Variants in NRG3 observed in about 807,000 individuals in gnomAD.
NRG3 encodes neuregulin 3.
Under a neutral mutation model 66.9 loss-of-function variants are expected in NRG3, and 31 were observed. The ratio of observed to expected loss-of-function variants is 0.46; its 90% confidence interval spans 0.35 to 0.63. NRG3 has a LOEUF of 0.63. Ranked by LOEUF, NRG3 falls within the 20% of genes least tolerant of loss-of-function variation. The pLI is 0.00. For missense variants in NRG3, 910 were observed against 878.9 expected (o/e 1.04, Z -0.45); for synonymous variants, 393 against 359.4 (o/e 1.09, Z -1.06).
chr10:82,523,439 A>G (rs906526398), intron 2 of NRG3, among the ~76,000 whole-genome samples: 5 of 151,806 alleles, frequency 3.3e-5, no homozygotes, highest in Non-Finnish European at 7.4e-5. Flanking sequence ...TTCTTTTTTG[A>G]TTATGGTTTT....
In NRG3 at chr10:82,349,292, C is replaced by T. The variant is rs1306426514; in HGVS notation, c.824-9447C>T. Among the ~76,000 whole-genome samples, 4 of 152,084 alleles carry T rather than the reference C, an allele frequency of 2.6e-5. 1 individual carries two copies. Among genetic ancestry groups the T allele is most frequent in the East Asian group, 3.9e-4 (2 of 5,138 alleles). ...TAGTTTTCCTTCTAACAGACGGGAC[C>T]CTCAGCTGCAGGTCTGTTGGAATAC... On this transcript the variant is annotated intron_variant, in intron 1 of 8. Transcript: ENST00000372141.
intron 1 of NRG3, among the ~76,000 whole-genome samples, chr10:82,053,008 A>G (rs554981795): frequency 1.3e-5 from 2 of 151,544 alleles, no homozygotes; most frequent in African/African-American, 4.8e-5. Context: ...AATAAAATTT[A>G]TTAATTCATT....
chr10:82,691,273 G>A (rs949275825), intron 2 of NRG3, among the ~76,000 whole-genome samples: 2 of 152,224 alleles, frequency 1.3e-5, no homozygotes, highest in Admixed American at 6.5e-5. Context: ...TGAAGGGCTA[G>A]CAGTTCCAGT....
chr10:82,040,275 T>C (rs2132998177), intron 1 of NRG3, among the ~76,000 whole-genome samples: 2 of 152,178 alleles, frequency 1.3e-5, no homozygotes, highest in South Asian at 4.1e-4. Context: ...TTTTCAAACA[T>C]ATATATACAT....
At chr10:82,039,927 A>G (rs532661027) in intron 1 of NRG3, among the ~76,000 whole-genome samples, 9 of 152,254 alleles carry the variant, frequency 5.9e-5, no homozygotes, top group African/African-American at 1.9e-4. Flanking sequence ...TACTTCTGCC[A>G]TGAATTGTGT....
chr10:81,982,848 T>C (rs2060383599), intron 1 of NRG3, among the ~76,000 whole-genome samples: 1 of 152,204 alleles, frequency 6.6e-6, no homozygotes, highest in South Asian at 2.1e-4. Flanking sequence ...TTTCAACATA[T>C]GATTTTGGAA....
intron 2 of NRG3, among the ~76,000 whole-genome samples, chr10:82,729,952 C>G (rs1427682833): frequency 6.6e-6 from 1 of 152,100 alleles, no homozygotes; most frequent in South Asian, 2.1e-4. Flanking sequence ...CAGCACAACA[C>G]CTGGATTTGG....
At chr10:82,166,633 T>G in intron 1 of NRG3, 1 of 340,114 alleles carries the variant, frequency 2.9e-6, no homozygotes, top group African/African-American at 2.1e-5. Flanking sequence ...AATAATTATG[T>G]CTATATATAC....
At chr10:82,912,439 G>A (rs963354887) in intron 4 of NRG3, among the ~76,000 whole-genome samples, 5 of 151,914 alleles carry the variant, frequency 3.3e-5, no homozygotes, top group Non-Finnish European at 5.9e-5. Flanking sequence ...TTGCACTGAC[G>A]TCTTCTGTCT....
intron 1 of NRG3, among the ~76,000 whole-genome samples, chr10:82,267,968 T>C (rs1351591320): frequency 3.3e-5 from 5 of 152,192 alleles, no homozygotes; most frequent in Non-Finnish European, 5.9e-5. Context: ...GGGTAAAAAG[T>C]GTGCTACTTA....
chr10:82,233,322 G>A (rs1040135585), intron 1 of NRG3, among the ~76,000 whole-genome samples: 27 of 152,124 alleles, frequency 1.8e-4, no homozygotes, highest in Admixed American at 1.3e-4. Context: ...CCAAGATGGC[G>A]CCACTGCACT....
chr10:82,611,791 G>A (rs937041311), intron 2 of NRG3, among the ~76,000 whole-genome samples: 4 of 152,092 alleles, frequency 2.6e-5, no homozygotes, highest in Non-Finnish European at 5.9e-5. Flanking sequence ...CCCAGTAATA[G>A]GATCACTGGG....
intron 2 of NRG3, among the ~76,000 whole-genome samples, chr10:82,623,649 A>G (rs1397776723): frequency 6.6e-6 from 1 of 152,236 alleles, no homozygotes; most frequent in African/African-American, 2.4e-5. Context: ...CTTGCAAGGC[A>G]GGAAGCAAAG....
At chr10:82,123,838 C>T (rs2068251221) in intron 1 of NRG3, among the ~76,000 whole-genome samples, 2 of 149,804 alleles carry the variant, frequency 1.3e-5, no homozygotes, top group South Asian at 4.2e-4. Context: ...GCATCTGGAT[C>T]TGTATGACCT....
chr10:82,002,872 G>A (rs1022281634), intron 1 of NRG3, among the ~76,000 whole-genome samples: 5 of 152,106 alleles, frequency 3.3e-5, no homozygotes, highest in African/African-American at 1.2e-4. Flanking sequence ...AAAAAAAATT[G>A]AGTGCTAAGT....
chr10:82,258,283 T>C (rs1053931774), intron 1 of NRG3, among the ~76,000 whole-genome samples: 1 of 152,254 alleles, frequency 6.6e-6, no homozygotes, highest in South Asian at 2.1e-4. Flanking sequence ...CTTATCATTT[T>C]TAGGTGTCCT....
At chr10:82,060,905 C>T (rs564963258) in intron 1 of NRG3, among the ~76,000 whole-genome samples, 16 of 152,238 alleles carry the variant, frequency 1.1e-4, no homozygotes, top group African/African-American at 3.4e-4. Context: ...CATGCCAGTT[C>T]GGGTGACACT....
chr10:82,710,064 A>G (rs2056562396), intron 2 of NRG3, among the ~76,000 whole-genome samples: 1 of 152,224 alleles, frequency 6.6e-6, no homozygotes, highest in Admixed American at 6.5e-5. Flanking sequence ...TTATTTACAC[A>G]TACTGATTTT....
At chr10:82,889,005 A>G (rs1842936296) in intron 4 of NRG3, among the ~76,000 whole-genome samples, 2 of 152,148 alleles carry the variant, frequency 1.3e-5, no homozygotes, top group Non-Finnish European at 2.9e-5. Flanking sequence ...AAAGGTTACC[A>G]GGACCCAGAT....
Sources: allele counts gnomAD v4.1 joint callset (sites outside exome capture counted in the v4.1 genomes callset), GRCh38; gene constraint gnomAD v4.1.1; transcripts MANE v1.5; gene names NCBI Gene and HGNC (gene_info 2026-07-23, HGNC 2026-07-21).